Variants in DGKG observed in about 807,000 individuals in gnomAD.
DGKG encodes diacylglycerol kinase gamma, also known as DAG kinase gamma.
Under a neutral mutation model 105.3 loss-of-function variants are expected in DGKG, and 78 were observed. The ratio of observed to expected loss-of-function variants is 0.74; its 90% CI spans 0.62 to 0.89. The LOEUF is 0.89. Ranked by LOEUF, DGKG falls within the 40% of genes least tolerant of loss-of-function variation. The pLI is 0.00. For synonymous variants in DGKG, 346 were observed against 367.1 expected, an observed-to-expected ratio of 0.94 and a Z score of 0.66; for missense variants, 958 against 1,020.1, an observed-to-expected ratio of 0.94 and a Z score of 0.83.
Position 186,280,725 on chromosome 3 carries a change from T to C in DGKG, c.614A>G (p.Asn205Ser), listed in dbSNP as rs1326795684. ...LDQAEMDCIV[N>S]QMLHIAQYLE... ...GTACTGGGCAATATGCAGCATTTGG[T>C]TGACAATGCAATCCATCTCCTAGAA... The change falls in exon 8 of 25, where the codon AAC becomes AGC. Residue 205 changes from asparagine (N) to serine (S), a missense_variant. Physicochemically the swap from Asn to Ser is conservative, Grantham distance 46. Around this residue, in one of 2 missense-constraint regions of DGKG, gnomAD observed 643 missense variants for 619.5 expected, o/e 1.04. Transcript: ENST00000265022. 6.2e-7 allele frequency: 1 copy of C among 1,613,946 alleles called. No homozygotes were observed. The highest frequency in any genetic ancestry group is 1.1e-5 in the South Asian group (1 of 91,070).
intron 3 of DGKG, among the ~76,000 whole-genome samples, chr3:186,302,620 A>AT (rs1724032212): frequency 7.8e-6 from 1 of 128,518 alleles, no homozygotes; most frequent in African/African-American, 2.6e-5. Flanking sequence ...GTGTGTATAT[A>AT]CCTATATCTA....
chr3:186,298,701 T>C (rs1057071002), intron 3 of DGKG, among the ~76,000 whole-genome samples: 4 of 152,048 alleles, frequency 2.6e-5, no homozygotes, highest in African/African-American at 9.7e-5. Context: ...TGCAAAGAAA[T>C]AGTTCTTCTG....
chr3:186,291,937 C>T (rs1415838522), intron 5 of DGKG, among the ~76,000 whole-genome samples: 1 of 152,152 alleles, frequency 6.6e-6, no homozygotes, highest in Non-Finnish European at 1.5e-5. Context: ...CTCTAGTTTT[C>T]ACTGAAGTCT....
At chr3:186,161,926 C>T (rs1214180983) in intron 23 of DGKG, among the ~76,000 whole-genome samples, 1 of 152,102 alleles carries the variant, frequency 6.6e-6, no homozygotes, top group Non-Finnish European at 1.5e-5. Context: ...TGGAGTTCCG[C>T]TCTTGTTGCC....
At chr3:186,345,879 C>T (rs1318582252) in intron 1 of DGKG, among the ~76,000 whole-genome samples, 1 of 152,172 alleles carries the variant, frequency 6.6e-6, no homozygotes, top group East Asian at 1.9e-4. Context: ...AAGCAATTCT[C>T]TGCCTCAGCC....
chr3:186,158,159 T>A, intron 24 of DGKG: 1 of 700,926 alleles, frequency 1.4e-6, no homozygotes, highest in Non-Finnish European at 1.8e-6. Context: ...TAGAGTTTCC[T>A]GTTTTTAGTT....
intron 1 of DGKG, among the ~76,000 whole-genome samples, chr3:186,355,473 C>T (rs1229996938): frequency 6.7e-6 from 1 of 148,830 alleles, no homozygotes; most frequent in South Asian, 2.1e-4. Flanking sequence ...TCATAACCCC[C>T]ACAACCACTA....
chr3:186,329,274 A>G (rs557527468), intron 1 of DGKG, among the ~76,000 whole-genome samples: 2 of 152,278 alleles, frequency 1.3e-5, no homozygotes, highest in South Asian at 2.1e-4. Context: ...TTCCTTGTCT[A>G]TGAAATGAGG....
intron 9 of DGKG, chr3:186,279,223 C>T (rs954618864): frequency 2.0e-5 from 3 of 152,334 alleles, no homozygotes. Flanking sequence ...CAAGTCAACA[C>T]CTTCCAAGGT....
chr3:186,312,987 T>C (rs1423873717), intron 2 of DGKG, among the ~76,000 whole-genome samples: 3 of 152,120 alleles, frequency 2.0e-5, no homozygotes, highest in African/African-American at 7.2e-5. Context: ...GCAAAAAAAA[T>C]AGATATTCAA....
chr3:186,206,422 G>C lies in DGKG; in HGVS notation c.1917+5373C>G, dbSNP rs564202442. ...ACAAAACAAAAAAACAAGGAATTTT[G>C]TAAGTTCTTATTTTTAGCCAGTGAA... On this transcript the variant is annotated intron_variant, in intron 21 of 24. Transcript: ENST00000265022. Among the ~76,000 whole-genome samples, 5 of 152,048 alleles carry C rather than the reference G, an allele frequency of 3.3e-5. No homozygotes were observed. In the South Asian group the frequency reaches 8.3e-4, roughly 25 times the overall value.
intron 20 of DGKG, among the ~76,000 whole-genome samples, chr3:186,228,472 T>C (rs1339044582): frequency 6.6e-6 from 1 of 152,212 alleles, no homozygotes; most frequent in African/African-American, 2.4e-5. Flanking sequence ...CATTAATCTG[T>C]TCAAAAAGCA....
At chr3:186,300,736 C>G (rs932378070) in intron 3 of DGKG, among the ~76,000 whole-genome samples, 2 of 152,136 alleles carry the variant, frequency 1.3e-5, no homozygotes, top group Non-Finnish European at 2.9e-5. Context: ...GCAGACTGTA[C>G]TAAATGATCT....
rs569390838 is a variant in DGKG at position 186,172,958 on chromosome 3, CA to C, written c.2096-7941del. 2.3e-3 allele frequency among the ~76,000 whole-genome samples: 353 copies of C among 152,338 alleles called. 3 individuals carry two copies. The highest frequency in any genetic ancestry group is 0.014 in the Middle Eastern group (4 of 294). On this transcript the variant is annotated intron_variant, in intron 22 of 24. Coordinates refer to ENST00000265022, the MANE Select transcript of DGKG (RefSeq NM_001346.3). ...CTCACGGTTCTGGAGGCTGGAAGTC[CA>C]AGGTCAAAGTGCCAGCAGGGTGGGT...
At chr3:186,305,190 G>A (rs1724168996) in intron 3 of DGKG, among the ~76,000 whole-genome samples, 1 of 152,166 alleles carries the variant, frequency 6.6e-6, no homozygotes, top group South Asian at 2.1e-4. Context: ...TACTTAGGAG[G>A]AAAATAATGC....
chr3:186,360,005 GC>G (rs1317162526), intron 1 of DGKG, among the ~76,000 whole-genome samples: 1 of 152,160 alleles, frequency 6.6e-6, no homozygotes, highest in Non-Finnish European at 1.5e-5. Flanking sequence ...AGGAGATGGG[GC>G]CAGCATCCAC....
intron 3 of DGKG, among the ~76,000 whole-genome samples, chr3:186,301,571 G>A (rs1271122841): frequency 6.6e-6 from 1 of 152,216 alleles, no homozygotes; most frequent in Non-Finnish European, 1.5e-5. Context: ...AGCTTGCAGT[G>A]AGCCGAGATG....
At chr3:186,217,268 C>T (rs1253528487) in intron 20 of DGKG, among the ~76,000 whole-genome samples, 1 of 152,166 alleles carries the variant, frequency 6.6e-6, no homozygotes, top group Non-Finnish European at 1.5e-5. Context: ...TTTGGCCCAC[C>T]ATTTTTTTTT....
rs1344095749 is a variant in DGKG, at chr3:186,272,296, C to CA, written c.957dup (p.Gly320TrpfsTer14). ...GCTTTTGAGTACGTTTTGACACAAC[C>CA]AGGAATGTTTCTGGACACACAGCGT... On this transcript the variant is annotated frameshift_variant, in exon 11 of 25. Coordinates refer to ENST00000265022, the MANE Select transcript of DGKG (RefSeq NM_001346.3). LOFTEE classifies it high-confidence loss of function. The CA allele has an allele frequency of 6.2e-7, 1 of 1,614,000 alleles. No homozygotes were observed. The highest frequency in any genetic ancestry group is 1.7e-5 in the Admixed American group (1 of 60,014).
Sources: allele counts gnomAD v4.1 joint callset (sites outside exome capture counted in the v4.1 genomes callset), GRCh38; gene constraint gnomAD v4.1.1; regional missense constraint gnomAD v4.1.1; transcripts MANE v1.5; gene names NCBI Gene and HGNC (gene_info 2026-07-23, HGNC 2026-07-21).